The following VCAN variants were observed in gnomAD, a reference collection of about 807,000 sequenced individuals.
VCAN encodes versican core protein.
In VCAN, 44 loss-of-function variants were observed where a neutral mutation model predicts 245.5. The ratio of observed to expected loss-of-function variants is 0.18; its 90% CI spans 0.14 to 0.23. The LOEUF (loss-of-function observed/expected upper bound fraction) is 0.23, where lower values mean the gene tolerates loss of function less well. Ranked by LOEUF, VCAN falls within the 10% of genes least tolerant of loss-of-function variation. The pLI is 1.00. For missense variants in VCAN, 3,793 were observed against 4,057.9 expected (o/e 0.93, Z 1.77); for synonymous variants, 1,413 against 1,437.0 (o/e 0.98, Z 0.38).
In VCAN at chr5:83,512,413, T is replaced by A. The variant is rs1199505778; in HGVS notation, c.1042+17T>A. The A allele has an allele frequency of 1.2e-6, 2 of 1,610,508 alleles. No individual in the cohort carries two copies. Among genetic ancestry groups the A allele is most frequent in the Admixed American group, 3.3e-5 (2 of 59,724 alleles). ...GCTTTAAACGTAAGTGTTTGATACCTTTTTAAAAATTACAGTTTTAAAAAA... is the reference window on the plus strand; with the variant it reads ...GCTTTAAACGTAAGTGTTTGATACCATTTTAAAAATTACAGTTTTAAAAAA... On this transcript the variant is annotated intron_variant, in intron 6 of 14. Transcript: ENST00000265077.
At chr5:83,534,980 A>G (rs575166181) in intron 7 of VCAN, among the ~76,000 whole-genome samples, 2 of 152,200 alleles carry the variant, frequency 1.3e-5, no homozygotes, top group South Asian at 2.1e-4. Flanking sequence ...AGATCCGAGT[A>G]ACAACTTTAG....
Position 83,519,369 on chromosome 5 carries a change from G to A in VCAN, c.1063G>A (p.Asp355Asn), listed in dbSNP as rs143128206. Residue 355 changes from aspartate to asparagine, a missense_variant, in exon 7 of 15, where the codon GAT becomes AAT. By Grantham distance (23) the Asp-to-Asn change is conservative. Coordinates refer to ENST00000265077, the MANE Select transcript of VCAN (RefSeq NM_004385.5). Reference protein sequence around the residue: ...CFKPKEATTIDLSILAETASP... With the variant: ...CFKPKEATTINLSILAETASP... Reference sequence around the variant, plus strand: ...TCTAGCTAAAGAGGCTACAACCATCGATTTGAGTATCCTCGCAGAAACTGC... The same window carrying A: ...TCTAGCTAAAGAGGCTACAACCATCAATTTGAGTATCCTCGCAGAAACTGC... 3.3e-5 allele frequency: 54 copies of A among 1,613,920 alleles called. No homozygotes were observed. Among genetic ancestry groups the A allele is most frequent in the Non-Finnish European group, 4.1e-5 (48 of 1,179,870 alleles).
At chr5:83,486,069 G>A (rs1050157215) in intron 2 of VCAN, among the ~76,000 whole-genome samples, 5 of 152,028 alleles carry the variant, frequency 3.3e-5, no homozygotes, top group Admixed American at 1.3e-4. Context: ...GGGGGTCGAG[G>A]CTGCAGTGAG....
rs745866624 is a variant in VCAN, at chr5:83,490,442, A to G, written c.415A>G (p.Thr139Ala). The change falls in exon 3 of 15, where the codon ACA becomes GCA. Residue 139 changes from threonine to alanine, a missense_variant. Transcript: ENST00000265077. ...RCDVMYGIED[T>A]QDTVSLTVDG... ...TGACGTCATGTACGGGATTGAAGAC[A>G]CACAAGACACGGTGTCACTGACTGT... The G allele has an allele frequency of 3.7e-6, 6 of 1,614,078 alleles. No individual in the cohort carries two copies. Among genetic ancestry groups the G allele is most frequent in the Middle Eastern group, 1.6e-4 (1 of 6,084 alleles).
In VCAN at chr5:83,580,430, G is replaced by C; in HGVS notation, c.10187G>C (p.Arg3396Pro). The C allele has an allele frequency of 6.2e-7, 1 of 1,613,728 alleles. No individual in the cohort carries two copies. The highest frequency in any genetic ancestry group is 8.5e-7 in the Non-Finnish European group (1 of 1,179,848). The change falls in exon 15 of 15, where the codon CGC becomes CCC. Residue 3396 changes from arginine (R) to proline (P), a missense_variant. Physicochemically the swap from Arg to Pro is moderately radical, Grantham distance 103 (BLOSUM62 -2). Transcript: ENST00000265077. ...RWSRRWQESR[R>P] ...AGCCGGAGGTGGCAGGAGTCGAGGC[G>C]CTGATCCCTAAAATGGCGAACATGT...
intron 11 of VCAN, among the ~76,000 whole-genome samples, chr5:83,554,037 T>G (rs932343108): frequency 6.6e-6 from 1 of 152,220 alleles, no homozygotes; most frequent in Non-Finnish European, 1.5e-5. Flanking sequence ...GTGAGCTACA[T>G]CCTAAGAACT....
rs773447862 is a variant in VCAN, at chr5:83,572,567, A to G, written c.9880+7A>G. ...ACGTGCAAGAAAGGAACAGGTAATG[A>G]TCACCCTGTTAATAATGTGTACTTA... On this transcript the variant is annotated splice_region_variant and intron_variant, in intron 13 of 14. Coordinates refer to ENST00000265077, the MANE Select transcript of VCAN (RefSeq NM_004385.5). 6.2e-6 allele frequency: 10 copies of G among 1,613,500 alleles called. No homozygotes were observed. The South Asian group carries it at 9.9e-5, about 16-fold the overall frequency.
chr5:83,547,830 T>A (rs1033595663), intron 9 of VCAN, 141 bp from the exon 10 acceptor site: 4 of 723,590 alleles, frequency 5.5e-6, no homozygotes, highest in Non-Finnish European at 9.9e-6. Flanking sequence ...GACATACTTA[T>A]GCTAACAAAT....
chr5:83,489,322 T>G (rs183171436), intron 2 of VCAN, among the ~76,000 whole-genome samples: 101 of 152,304 alleles, frequency 6.6e-4, no homozygotes, highest in Non-Finnish European at 1.2e-3. Context: ...TGAAAAAACA[T>G]TTATTTTGCA....
rs760883103 is a variant in VCAN, at chr5:83,521,842, A to T, written c.3536A>T (p.Asp1179Val). The T allele has an allele frequency of 6.2e-6, 10 of 1,614,184 alleles. No homozygotes were observed. In the South Asian group the frequency reaches 1.1e-4, roughly 18 times the overall value. ...GAGAAAACATCCCTAGAGGATATTG[A>T]TTTAGGCTCAGGATTATTTGAAAAG... ...TTEKTSLEDI[D>V]LGSGLFEKPK... is the part of the protein sequence containing the mutation. The change falls in exon 7 of 15, where the codon GAT (aspartate) becomes GTT (valine). Residue 1179 changes from aspartate to valine, a missense_variant. Asp to Val is a radical substitution (Grantham distance 152, BLOSUM62 -3). Transcript: ENST00000265077.
intron 7 of VCAN, chr5:83,531,241 G>A (rs1746508090): frequency 6.6e-6 from 1 of 152,098 alleles, no homozygotes; most frequent in Non-Finnish European, 1.5e-5. Flanking sequence ...TGTCACTGTG[G>A]TATACCCAAA....
chr5:83,490,396 T>C lies in VCAN; in HGVS notation c.369T>C (p.Ser123=), dbSNP rs769674835. ...ASLTVVKLLA[S]DAGLYRCDVM... is the part of the protein sequence containing the mutation. ...TCACTGTGGTCAAGCTGCTGGCAAG[T>C]GATGCGGGTCTTTACCGCTGTGACG... The change falls in exon 3 of 15, where the codon AGT becomes AGC. Residue 123 remains serine, a synonymous_variant. Coordinates refer to ENST00000265077, the MANE Select transcript of VCAN (RefSeq NM_004385.5). 1 of 1,614,168 alleles carries C rather than the reference T, an allele frequency of 6.2e-7. No individual in the cohort carries two copies. Among genetic ancestry groups the C allele is most frequent in the South Asian group, 1.1e-5 (1 of 91,078 alleles).
chr5:83,538,878 T>C lies in VCAN; in HGVS notation c.5875T>C (p.Ser1959Pro). 1 of 1,614,004 alleles carries C rather than the reference T, an allele frequency of 6.2e-7. No individual in the cohort carries two copies. Among genetic ancestry groups the C allele is most frequent in the Non-Finnish European group, 8.5e-7 (1 of 1,179,948 alleles). ...AGAAGAAACGGTAATGATGGAAGGC[T>C]CTGGAGATGCAGCATTTAGGGACAC... ...AKEETVMMEG[S>P]GDAAFRDTQT... Residue 1959 changes from serine (S) to proline (P), a missense_variant, in exon 8 of 15, where the codon TCT becomes CCT. Coordinates refer to ENST00000265077, the MANE Select transcript of VCAN (RefSeq NM_004385.5).
In VCAN at chr5:83,512,254, G is replaced by A. The variant is rs565921775; in HGVS notation, c.900G>A (p.Ser300=). The A allele has an allele frequency of 8.7e-6, 14 of 1,614,140 alleles. No individual in the cohort carries two copies. Among genetic ancestry groups the A allele is most frequent in the African/African-American group, 8.0e-5 (6 of 75,030 alleles). Residue 300 remains serine, a synonymous_variant, in exon 6 of 15, where the codon TCG becomes TCA. Transcript: ENST00000265077. The part of the protein sequence containing the change: ...GFDQCDYGWL[S]DASVRHPVTV... ...ACCAGTGCGATTACGGGTGGCTGTC[G>A]GATGCCAGCGTGCGCCACCCTGTGA...
At chr5:83,542,713 G>A (rs308363) in intron 8 of VCAN, among the ~76,000 whole-genome samples, 103,850 of 152,072 alleles carry the variant, frequency 0.68, 36,191 homozygotes, top group African/African-American at 0.83. Flanking sequence ...TTAACATTTG[G>A]GAGTAGTACG....
chr5:83,519,335 A>G lies in VCAN; in HGVS notation c.1043-14A>G. ...GTGACTTGTCTAATCAACTCTTTGA[A>G]ATTATTTTTCTAGCTAAAGAGGCTA... On this transcript the variant is annotated splice_polypyrimidine_tract_variant and intron_variant, in intron 6 of 14. Coordinates refer to ENST00000265077, the MANE Select transcript of VCAN (RefSeq NM_004385.5). 6.2e-7 allele frequency: 1 copy of G among 1,613,432 alleles called. No individual in the cohort carries two copies. Among genetic ancestry groups the G allele is most frequent in the Non-Finnish European group, 8.5e-7 (1 of 1,179,610 alleles).
chr5:83,524,540 C>CTGCG, intron 7 of VCAN, among the ~76,000 whole-genome samples: 1 of 11,122 alleles, frequency 9.0e-5, no homozygotes, highest in Non-Finnish European at 1.2e-4. Flanking sequence ...ACCTGCGTAC[C>CTGCG]TACCTACCTA....
intron 12 of VCAN, among the ~76,000 whole-genome samples, chr5:83,568,719 T>A (rs928281216): frequency 1.3e-5 from 2 of 152,210 alleles, no homozygotes; most frequent in Admixed American, 1.3e-4. Context: ...GAAATGCACA[T>A]ATCATTTTAT....
In VCAN at chr5:83,521,047, G is replaced by A. The variant is rs200429289; in HGVS notation, c.2741G>A (p.Gly914Asp). 36 of 1,613,936 alleles carry A rather than the reference G, an allele frequency of 2.2e-5. No homozygotes were observed. Among genetic ancestry groups the A allele is most frequent in the Non-Finnish European group, 2.7e-5 (32 of 1,179,992 alleles). ...EKVPPITSTE[G>D]QVYATMEGSA... ...GTTCCACCTATCACAAGCACTGAAG[G>A]CCAAGTTTATGCAACCATGGAAGGA... The change falls in exon 7 of 15, where the codon GGC (glycine) becomes GAC (aspartate). Residue 914 changes from glycine to aspartate, a missense_variant. Gly to Asp is a moderately conservative substitution (Grantham distance 94). This residue lies in a region of VCAN where 3,182 missense variants were observed against 3,250.3 expected (regional missense o/e 0.98). Coordinates refer to ENST00000265077, the MANE Select transcript of VCAN (RefSeq NM_004385.5).
Sources: gnomAD v4.1 joint callset for allele counts (sites outside exome capture counted in the v4.1 genomes callset) on GRCh38, gnomAD v4.1.1 for gene constraint, gnomAD v4.1.1 regional missense constraint, MANE v1.5 for transcripts, NCBI Gene and HGNC (gene_info 2026-07-23, HGNC 2026-07-21) for gene names.